The following NECAB2 variants were observed in gnomAD, a reference collection of about 807,000 sequenced individuals.
The protein encoded by NECAB2 is N-terminal EF-hand calcium binding protein 2, also known as N-terminal EF-hand calcium-binding protein 2.
Under a neutral mutation model 51.9 loss-of-function variants are expected in NECAB2, and 68 were observed. The ratio of observed to expected loss-of-function variants is 1.31; its 90% CI spans 1.08 to 1.60. The LOEUF is 1.60. Among genes scored for constraint, NECAB2 ranks in the 40% most tolerant of loss-of-function variants. The pLI, the probability that NECAB2 is intolerant of heterozygous loss-of-function variation, is 0.00. For missense variants in NECAB2, 854 were observed against 490.3 expected (o/e 1.74, Z -7.00); for synonymous variants, 329 against 203.5 (o/e 1.62, Z -5.25).
intron 1 of NECAB2, chr16:83,971,821 G>T (rs563098786): frequency 2.0e-6 from 1 of 492,086 alleles, no homozygotes; most frequent in Non-Finnish European, 3.6e-6. Flanking sequence ...AGCGTTTGGC[G>T]GTGGGTGAAG....
chr16:83,995,027 G>A (rs529628884), intron 8 of NECAB2, among the ~76,000 whole-genome samples: 6 of 152,316 alleles, frequency 3.9e-5, no homozygotes, highest in African/African-American at 1.4e-4. Flanking sequence ...GCTCTGAAGT[G>A]GCTGGAGCAG....
At chr16:83,997,136 C>G (rs778413012) in intron 8 of NECAB2, 80 bp from the exon 9 acceptor site, 14 of 1,580,138 alleles carry the variant, frequency 8.9e-6, no homozygotes, top group East Asian at 2.2e-5. Flanking sequence ...CCCAACAGCC[C>G]CAGGGATCCC....
chr16:83,980,849 A>G lies in NECAB2; in HGVS notation c.346A>G (p.Thr116Ala). 2 of 1,597,550 alleles carry G rather than the reference A, an allele frequency of 1.3e-6. No homozygotes were observed. The highest frequency in any genetic ancestry group is 1.7e-6 in the Non-Finnish European group (2 of 1,171,492). The change falls in exon 4 of 13, where the codon ACC (threonine) becomes GCC (alanine). Residue 116 changes from threonine to alanine, a missense_variant. Physicochemically the swap from Thr to Ala is moderately conservative, Grantham distance 58. Coordinates refer to ENST00000305202, the MANE Select transcript of NECAB2 (RefSeq NM_019065.3). Reference protein sequence around the residue: ...IDSDNTNHVDTKELCDYFVDH... With the variant: ...IDSDNTNHVDAKELCDYFVDH... ...TGTCTGTCTCTGCAGCCATGTGGAC[A>G]CCAAGGAGCTGTGTGGTAGGTGCCT... is the stretch of plus-strand genomic sequence containing the variant.
chr16:83,998,983 C>T (rs376927705), intron 10 of NECAB2, among the ~76,000 whole-genome samples: 11 of 152,298 alleles, frequency 7.2e-5, no homozygotes, highest in East Asian at 3.9e-4. Context: ...CCCCGCCCCC[C>T]GTTTCTGCAG....
intron 3 of NECAB2, among the ~76,000 whole-genome samples, chr16:83,979,952 C>G (rs1031391240): frequency 1.3e-5 from 2 of 152,140 alleles, no homozygotes; most frequent in East Asian, 3.9e-4. Context: ...ATGACAGGGT[C>G]GCTTTCTGCA....
At chr16:83,982,554 C>G (rs530188899) in intron 5 of NECAB2, among the ~76,000 whole-genome samples, 2 of 152,278 alleles carry the variant, frequency 1.3e-5, no homozygotes, top group Admixed American at 1.3e-4. Context: ...CACAGATGAC[C>G]CTGGGAAATG....
intron 5 of NECAB2, among the ~76,000 whole-genome samples, chr16:83,987,304 C>G (rs1411783602): frequency 6.6e-6 from 1 of 152,170 alleles, no homozygotes; most frequent in Non-Finnish European, 1.5e-5. Context: ...TTCTGTGAGA[C>G]AGTGGTTAGC....
chr16:83,994,446 G>A, intron 7 of NECAB2, 26 bp downstream of exon 7: 12 of 1,611,880 alleles, frequency 7.4e-6, no homozygotes, highest in South Asian at 1.1e-5. Flanking sequence ...GGCCCTGGTG[G>A]GGGTACCAGC....
chr16:84,002,374 C>A lies in NECAB2; in HGVS notation c.*28C>A. On this transcript the variant is annotated 3_prime_UTR_variant, in exon 13 of 13. Transcript: ENST00000305202. ...GCCTCCCAGAGGCCCGTGGAGGAGCCCACCAGCCCCTTCTTCTTGTGAAGG... is the reference window on the plus strand; with the variant it reads ...GCCTCCCAGAGGCCCGTGGAGGAGCACACCAGCCCCTTCTTCTTGTGAAGG... The A allele has an allele frequency of 6.2e-7, 1 of 1,610,878 alleles. No homozygotes were observed. The highest frequency in any genetic ancestry group is 8.5e-7 in the Non-Finnish European group (1 of 1,178,114).
intron 5 of NECAB2, among the ~76,000 whole-genome samples, chr16:83,983,257 T>C (rs112478588): frequency 0.022 from 3,377 of 152,346 alleles, 54 homozygotes; most frequent in African/African-American, 0.039. Flanking sequence ...ATGTGCTGTT[T>C]GCTTTCGTCA....
chr16:83,982,940 C>T (rs989968712), intron 5 of NECAB2, among the ~76,000 whole-genome samples: 1 of 151,830 alleles, frequency 6.6e-6, no homozygotes. Flanking sequence ...ACAATGTCGC[C>T]TCACTGCAAC....
chr16:84,000,598 G>A (rs1026812377), intron 10 of NECAB2, 126 bp from the exon 11 acceptor site: 7 of 702,156 alleles, frequency 1.0e-5, no homozygotes, highest in Non-Finnish European at 1.7e-5. Context: ...TGGAGGTCAA[G>A]ACAGGAAGAA....
chr16:84,001,122 G>C (rs1253180817), intron 11 of NECAB2, among the ~76,000 whole-genome samples: 1 of 152,084 alleles, frequency 6.6e-6, no homozygotes, highest in Non-Finnish European at 1.5e-5. Flanking sequence ...GTAGAGTTGA[G>C]GGCCTAACCT....
upstream of NECAB2, chr16:83,965,986 G>A: frequency 2.5e-6 from 4 of 1,587,796 alleles, no homozygotes; most frequent in South Asian, 3.4e-5. Flanking sequence ...TGCTAAGGAA[G>A]GAGACCAGGA....
rs187414589 is a variant in NECAB2, at chr16:83,986,355, T to C, written c.460-4139T>C. ...TAACTCAATATGAGAATCAGTAAGA[T>C]ACTGGAACTGGCTCAAAGGAGAATT... is the stretch of plus-strand genomic sequence containing the variant. On this transcript the variant is annotated intron_variant, in intron 5 of 12. Coordinates refer to ENST00000305202, the MANE Select transcript of NECAB2 (RefSeq NM_019065.3). 6.6e-3 allele frequency among the ~76,000 whole-genome samples: 998 copies of C among 152,294 alleles called. 6 individuals carry two copies. The highest frequency in any genetic ancestry group is 0.014 in the Middle Eastern group (4 of 294).
intron 5 of NECAB2, among the ~76,000 whole-genome samples, chr16:83,982,631 G>A (rs978488639): frequency 6.6e-6 from 1 of 152,152 alleles, no homozygotes; most frequent in Non-Finnish European, 1.5e-5. Context: ...CATGCTGTGA[G>A]GCATTCGTAA....
At chr16:83,981,152 G>A (rs1386737156) in intron 5 of NECAB2, 25 bp downstream of exon 5, 1 of 1,576,854 alleles carries the variant, frequency 6.3e-7, no homozygotes, top group Non-Finnish European at 8.6e-7. Flanking sequence ...GTGGCCCCCG[G>A]GGTCCAGGGC....
chr16:83,977,120 G>T (rs1012142517), intron 2 of NECAB2, among the ~76,000 whole-genome samples: 1 of 152,184 alleles, frequency 6.6e-6, no homozygotes, highest in Non-Finnish European at 1.5e-5. Context: ...CCATAGGAAG[G>T]TGCCATGTGG....
chr16:83,968,685 G>GGC lies in NECAB2; in HGVS notation c.37_38insGC (p.Ala13GlyfsTer129). 1 of 990,576 alleles carries GGC rather than the reference G, an allele frequency of 1.0e-6. No homozygotes were observed. The highest frequency in any genetic ancestry group is 1.2e-6 in the Non-Finnish European group (1 of 835,088). The allele number at this position is 990,576 out of a possible 1,614,324, so 61.4% of individuals were successfully genotyped here. On this transcript the variant is annotated frameshift_variant, in exon 1 of 13. Transcript: ENST00000305202. LOFTEE classifies it high-confidence loss of function. ...GGCGGCGCGCCTGTGCAGGGCCGGC[G>GGC]CGCACAGGCTGCTCCGGGAGCCGCC...
Sources: gnomAD v4.1 joint callset for allele counts (sites outside exome capture counted in the v4.1 genomes callset) on GRCh38, gnomAD v4.1.1 for gene constraint, MANE v1.5 for transcripts, NCBI Gene and HGNC (gene_info 2026-07-23, HGNC 2026-07-21) for gene names.